Variants in CD226 observed in about 807,000 individuals in gnomAD.
CD226 encodes CD226 molecule, also known as CD226 antigen.
CD226 carries 24 observed loss-of-function variants against 34.9 expected under a neutral mutation model. The ratio of observed to expected loss-of-function variants is 0.69; its 90% CI spans 0.50 to 0.97. CD226 has a LOEUF of 0.97. Ranked by LOEUF, CD226 falls within the 50% of genes least tolerant of loss-of-function variation. The pLI is 0.00. For missense variants in CD226, 397 were observed against 412.7 expected, an observed-to-expected ratio of 0.96 and a Z score of 0.33; for synonymous variants, 148 against 147.4, an observed-to-expected ratio of 1.00 and a Z score of -0.03.
chr18:69,864,675 T>A lies in CD226; in HGVS notation c.886-236A>T, dbSNP rs1182347612. On this transcript the variant is annotated intron_variant, in intron 5 of 5. Coordinates refer to ENST00000582621, the MANE Select transcript of CD226 (RefSeq NM_001303618.2). ...TTGCTGTATTGTGCTATGAATTACC[T>A]GTTTCAATGTAGAACTCCCTCTCCC... is the stretch of plus-strand genomic sequence containing the variant. 2.0e-5 allele frequency among the ~76,000 whole-genome samples: 3 copies of A among 152,352 alleles called. No homozygotes were observed. In the East Asian group the frequency reaches 5.8e-4, roughly 29 times the overall value.
chr18:69,948,161 G>T (rs919805392), upstream of CD226, among the ~76,000 whole-genome samples: 1 of 152,182 alleles, frequency 6.6e-6, no homozygotes. Context: ...CCCAGGTTCT[G>T]TCAGGGGTCA....
At chr18:69,926,402 G>A (rs1198239300) in intron 2 of CD226, among the ~76,000 whole-genome samples, 1 of 152,036 alleles carries the variant, frequency 6.6e-6, no homozygotes, top group African/African-American at 2.4e-5. Flanking sequence ...GAACAATGAG[G>A]AATGACAACA....
chr18:69,858,599 A>C lies in CD226; in HGVS notation c.*5715T>G, dbSNP rs1388944201. ...CGAAGCCCAAATTGTTGCTTTCTGC[A>C]GGAAACGAGTGTTTCCTGCCTCGTT... On this transcript the variant is annotated 3_prime_UTR_variant, in exon 6 of 6. Transcript: ENST00000582621. The C allele has an allele frequency of 6.6e-6, 1 of 151,736 alleles. No individual in the cohort carries two copies. Among genetic ancestry groups the C allele is most frequent in the Non-Finnish European group, 1.5e-5 (1 of 68,042 alleles). The allele number at this position is 151,736 out of a possible 1,614,324, so 9.4% of individuals were successfully genotyped here.
At chr18:69,895,638 G>C (rs1447597624) in intron 3 of CD226, 63 bp downstream of exon 3, 3 of 1,206,282 alleles carry the variant, frequency 2.5e-6, no homozygotes, top group Non-Finnish European at 2.4e-6. Flanking sequence ...TAAAAACAGA[G>C]ACCAGCCCAC....
intron 2 of CD226, among the ~76,000 whole-genome samples, chr18:69,903,304 C>A (rs1369285266): frequency 6.6e-6 from 1 of 152,204 alleles, no homozygotes; most frequent in Admixed American, 6.5e-5. Context: ...AAACAGAAGC[C>A]TCTTCCCTAG....
intron 2 of CD226, among the ~76,000 whole-genome samples, chr18:69,928,796 A>G (rs968283412): frequency 6.6e-6 from 1 of 152,208 alleles, no homozygotes; most frequent in Non-Finnish European, 1.5e-5. Flanking sequence ...TGGGATATTC[A>G]GTCTGTAGTA....
At chr18:69,887,573 C>A (rs1052552486) in intron 3 of CD226, among the ~76,000 whole-genome samples, 7 of 152,192 alleles carry the variant, frequency 4.6e-5, no homozygotes, top group Admixed American at 3.9e-4. Context: ...ATCATCATCA[C>A]AATAAGGTTT....
chr18:69,868,803 G>GCACACACACA (rs56351883), intron 4 of CD226, among the ~76,000 whole-genome samples: 64 of 151,014 alleles, frequency 4.2e-4, no homozygotes, highest in East Asian at 3.5e-3. Context: ...GCGCGTGCAC[G>GCACACACACA]CACACACACA....
intron 3 of CD226, among the ~76,000 whole-genome samples, chr18:69,875,631 T>C (rs1720304187): frequency 6.6e-6 from 1 of 152,346 alleles, no homozygotes; most frequent in Non-Finnish European, 1.5e-5. Flanking sequence ...TGCATTTCCC[T>C]GATGACCAGT....
chr18:69,864,512 AC>A, intron 5 of CD226, 73 bp from the exon 6 acceptor site: 1 of 1,449,188 alleles, frequency 6.9e-7, no homozygotes, highest in Non-Finnish European at 9.5e-7. Context: ...TTCAAAACAT[AC>A]CTCTCATAAA....
At chr18:69,909,590 C>T (rs1028449135) in intron 2 of CD226, among the ~76,000 whole-genome samples, 2 of 152,108 alleles carry the variant, frequency 1.3e-5, no homozygotes, top group African/African-American at 4.8e-5. Flanking sequence ...AGTGTGAGTA[C>T]AGCTATTAGC....
intron 3 of CD226, among the ~76,000 whole-genome samples, chr18:69,895,390 T>C (rs988937223): frequency 6.6e-6 from 1 of 152,188 alleles, no homozygotes; most frequent in Non-Finnish European, 1.5e-5. Flanking sequence ...ATAGGAGTTC[T>C]ACAGCTGAAA....
Position 69,906,643 on chromosome 18 carries a change from G to A in CD226, c.383-10598C>T, listed in dbSNP as rs530351396. ...AAAATATTTCACGCTTTAACTGGCC[G>A]CAGGCAAGAAAGGTGAGGATTTCTT... On this transcript the variant is annotated intron_variant, in intron 2 of 5. Transcript: ENST00000582621. Among the ~76,000 whole-genome samples the A allele has an allele frequency of 2.3e-3, 357 of 152,288 alleles. 1 individual carries two copies. The highest frequency in any genetic ancestry group is 8.0e-3 in the African/African-American group (331 of 41,548).
chr18:69,959,384 C>G (rs1008540397), upstream of CD226, among the ~76,000 whole-genome samples: 1 of 152,140 alleles, frequency 6.6e-6, no homozygotes, highest in Non-Finnish European at 1.5e-5. Flanking sequence ...CAACTTAAAG[C>G]AAAGACACTC....
At chr18:69,867,666 G>A (rs2145178314) in intron 4 of CD226, among the ~76,000 whole-genome samples, 1 of 152,210 alleles carries the variant, frequency 6.6e-6, no homozygotes, top group Non-Finnish European at 1.5e-5. Flanking sequence ...TAATCTCAGT[G>A]ATTTTACTAA....
chr18:69,908,044 G>A (rs1003385244), intron 2 of CD226, among the ~76,000 whole-genome samples: 1 of 152,102 alleles, frequency 6.6e-6, no homozygotes, highest in Non-Finnish European at 1.5e-5. Flanking sequence ...TTGACTCTCT[G>A]TTTGGCTCTA....
chr18:69,931,885 G>A (rs898758206), intron 2 of CD226, among the ~76,000 whole-genome samples: 1 of 152,160 alleles, frequency 6.6e-6, no homozygotes, highest in African/African-American at 2.4e-5. Flanking sequence ...ACCACAGACT[G>A]GATGGCTTAA....
intron 2 of CD226, among the ~76,000 whole-genome samples, chr18:69,931,493 C>A (rs1343262343): frequency 6.6e-6 from 1 of 152,084 alleles, no homozygotes; most frequent in Admixed American, 6.6e-5. Flanking sequence ...ATTACAGCAT[C>A]AGGCATAGAT....
chr18:69,940,221 C>G (rs2055706393), intron 2 of CD226, among the ~76,000 whole-genome samples: 1 of 152,228 alleles, frequency 6.6e-6, no homozygotes, highest in African/African-American at 2.4e-5. Context: ...CCCACCCATA[C>G]TGAACTGAGA....
Sources: gnomAD v4.1 joint callset for allele counts (sites outside exome capture counted in the v4.1 genomes callset) on GRCh38, gnomAD v4.1.1 for gene constraint, MANE v1.5 for transcripts, NCBI Gene and HGNC (gene_info 2026-07-23, HGNC 2026-07-21) for gene names.